The following NECAB3 variants were observed in gnomAD, a reference collection of about 807,000 sequenced individuals.
The protein encoded by NECAB3 is N-terminal EF-hand calcium binding protein 3.
NECAB3 carries 38 observed loss-of-function variants against 57.2 expected under a neutral mutation model. That is an observed-to-expected ratio of 0.66 (90% CI 0.51 to 0.87). The LOEUF is 0.87. Among genes scored for constraint, NECAB3 ranks in the 40% least tolerant of loss-of-function variants. NECAB3 has a pLI of 0.00. For missense variants in NECAB3, 474 were observed against 527.5 expected, an observed-to-expected ratio of 0.90 and a Z score of 0.99; for synonymous variants, 223 against 222.6, an observed-to-expected ratio of 1.00 and a Z score of -0.02.
At chr20:33,672,140 C>G in intron 2 of NECAB3, 1 of 562,680 alleles carries the variant, frequency 1.8e-6, no homozygotes, top group South Asian at 2.0e-5. Flanking sequence ...AAGTGCCCAT[C>G]ACCATGCCAG....
At chr20:33,667,758 G>A in intron 5 of NECAB3, 5 of 1,612,592 alleles carry the variant, frequency 3.1e-6, no homozygotes, top group Non-Finnish European at 4.2e-6. Flanking sequence ...GCTGCTACGT[G>A]TCCCTGGACT....
Position 33,667,929 on chromosome 20 carries a change from C to T in NECAB3, c.387+1446G>A, listed in dbSNP as rs527523819. On this transcript the variant is annotated intron_variant, in intron 5 of 11. Coordinates refer to ENST00000246190, the MANE Select transcript of NECAB3 (RefSeq NM_031232.4). Reference sequence around the variant, plus strand: ...CTGAGCAGGGGCTGCCCGCGCTGGCCTTCCGGGCGCTGCAGAAGATGCCCA... The same window carrying T: ...CTGAGCAGGGGCTGCCCGCGCTGGCTTTCCGGGCGCTGCAGAAGATGCCCA... The T allele has an allele frequency of 5.8e-6, 9 of 1,559,006 alleles. No individual in the cohort carries two copies. In the Admixed American group the frequency reaches 1.3e-4, roughly 23 times the overall value.
intron 2 of NECAB3, among the ~76,000 whole-genome samples, chr20:33,671,251 C>T (rs780332754): frequency 6.6e-6 from 1 of 152,150 alleles, no homozygotes; most frequent in South Asian, 2.1e-4. Context: ...TAGTTGGAGC[C>T]TCTGTAGGCA....
chr20:33,668,173 T>C, intron 5 of NECAB3: 2 of 1,612,062 alleles, frequency 1.2e-6, no homozygotes, highest in South Asian at 1.1e-5. Context: ...CCAGCGCCGC[T>C]GGATAACTCG....
At chr20:33,667,774 GGCGACCTCC>G in intron 5 of NECAB3, 2 of 1,612,574 alleles carry the variant, frequency 1.2e-6, no homozygotes, top group Non-Finnish European at 1.7e-6. Context: ...GGACTTCGAG[GGCGACCTCC>G]GCGACCCCGC....
At chr20:33,658,357 A>T in intron 10 of NECAB3, 120 bp downstream of exon 10, 1 of 1,014,660 alleles carries the variant, frequency 9.9e-7, no homozygotes, top group Non-Finnish European at 1.5e-6. Context: ...GGGCTCGGGC[A>T]GGTGGGGTCA....
In NECAB3 at chr20:33,663,322, G is replaced by C. The variant is rs989650785; in HGVS notation, c.388-2927C>G. 7 of 574,980 alleles carry C rather than the reference G, an allele frequency of 1.2e-5. No individual in the cohort carries two copies. The African/African-American group carries it at 1.4e-4, about 11-fold the overall frequency. The allele number at this position is 574,980 out of a possible 1,614,324, so 35.6% of individuals were successfully genotyped here. Reference sequence around the variant, plus strand: ...TGAGGGTTTCCAGAAAGGAGGCGGAGTCCGGGGCGCCACGCAGGGAAGGGC... The same window carrying C: ...TGAGGGTTTCCAGAAAGGAGGCGGACTCCGGGGCGCCACGCAGGGAAGGGC... On this transcript the variant is annotated intron_variant, in intron 5 of 11. Coordinates refer to ENST00000246190, the MANE Select transcript of NECAB3 (RefSeq NM_031232.4).
Position 33,659,571 on chromosome 20 carries a change from G to A in NECAB3, c.805C>T (p.Pro269Ser). The change falls in exon 8 of 12, where the codon CCA becomes TCA. Residue 269 changes from proline to serine, a missense_variant. Coordinates refer to ENST00000246190, the MANE Select transcript of NECAB3 (RefSeq NM_031232.4). ...PEPGPCWRPG[P>S]HSVPSQAPRL... is the part of the protein sequence containing the mutation. ...GGGGCCTGTGAGGGCACAGAGTGTG[G>A]GCCGGGCCTCCAGCATGGGCCTGGC... 6.3e-7 allele frequency: 1 copy of A among 1,591,802 alleles called. No individual in the cohort carries two copies. Among genetic ancestry groups the A allele is most frequent in the Non-Finnish European group, 8.6e-7 (1 of 1,167,958 alleles).
At chr20:33,663,379 T>A (rs1313068416) in intron 5 of NECAB3, 2 of 783,920 alleles carry the variant, frequency 2.6e-6, no homozygotes, top group Non-Finnish European at 3.8e-6. Context: ...TGGACAGGGG[T>A]CCCCTCCAGC....
intron 5 of NECAB3, chr20:33,663,610 G>A (rs756448795): frequency 2.5e-6 from 4 of 1,610,688 alleles, no homozygotes; most frequent in South Asian, 1.1e-5. Flanking sequence ...CTACGCGTCC[G>A]GCGCTGGGCT....
intron 1 of NECAB3, among the ~76,000 whole-genome samples, chr20:33,673,243 G>A (rs1424711454): frequency 2.6e-5 from 4 of 152,204 alleles, no homozygotes; most frequent in Non-Finnish European, 5.9e-5. Context: ...GGCCTGGCAA[G>A]CAGGGGTGGG....
chr20:33,659,217 A>T (rs2017377788), intron 8 of NECAB3, among the ~76,000 whole-genome samples: 1 of 151,902 alleles, frequency 6.6e-6, no homozygotes, highest in Non-Finnish European at 1.5e-5. Flanking sequence ...TGATCCAGCC[A>T]CTGTTCCTCC....
chr20:33,661,852 T>C (rs887913107), intron 5 of NECAB3, among the ~76,000 whole-genome samples: 2 of 152,212 alleles, frequency 1.3e-5, no homozygotes, highest in Non-Finnish European at 2.9e-5. Context: ...GGTTTCACTA[T>C]GTTGCCCAGG....
intron 1 of NECAB3, among the ~76,000 whole-genome samples, chr20:33,673,142 C>T (rs943019082): frequency 6.6e-5 from 10 of 152,148 alleles, no homozygotes; most frequent in Non-Finnish European, 1.3e-4. Flanking sequence ...GCAACAGAGG[C>T]AGAGAGGAGC....
At chr20:33,674,182 T>A in intron 1 of NECAB3, 42 bp downstream of exon 1, 2 of 1,248,006 alleles carry the variant, frequency 1.6e-6, no homozygotes, top group Non-Finnish European at 1.0e-6. Flanking sequence ...TAACAGAGAC[T>A]CGGGTAGGGA....
chr20:33,675,009 C>T (rs1199253305), upstream of NECAB3, among the ~76,000 whole-genome samples: 1 of 151,928 alleles, frequency 6.6e-6, no homozygotes, highest in Admixed American at 6.6e-5. Context: ...CTCCTTGGCC[C>T]CTGAATAAAG....
rs2017779774 is a variant in NECAB3 at position 33,669,473 on chromosome 20, C to G, written c.290-1G>C. ...ACACCCAGGTGCTCTGAGAAGTAGT[C>G]TGCAGGCAGAAGAGGTGCTCAAGGG... On this transcript the variant is annotated splice_acceptor_variant, in intron 4 of 11. Coordinates refer to ENST00000246190, the MANE Select transcript of NECAB3 (RefSeq NM_031232.4). LOFTEE classifies it high-confidence loss of function. The G allele has an allele frequency of 6.2e-7, 1 of 1,613,540 alleles. No individual in the cohort carries two copies. The highest frequency in any genetic ancestry group is 1.7e-5 in the Admixed American group (1 of 60,010).
chr20:33,671,624 C>T (rs932203136), intron 2 of NECAB3, among the ~76,000 whole-genome samples: 1 of 152,210 alleles, frequency 6.6e-6, no homozygotes, highest in Admixed American at 6.5e-5. Context: ...GAAGCTCAGA[C>T]CCTCCACGGG....
At chr20:33,663,554 C>T (rs780334186) in intron 5 of NECAB3, 34 of 1,611,018 alleles carry the variant, frequency 2.1e-5, no homozygotes, top group Admixed American at 5.0e-5. Flanking sequence ...CTGATTCTCC[C>T]CCTGGACAAG....
Sources: gnomAD v4.1 joint callset for allele counts (sites outside exome capture counted in the v4.1 genomes callset) on GRCh38, gnomAD v4.1.1 for gene constraint, MANE v1.5 for transcripts, NCBI Gene and HGNC (gene_info 2026-07-23, HGNC 2026-07-21) for gene names.